PDSS1: variants seen among roughly 807,000 people sequenced by gnomAD.
PDSS1 encodes the protein decaprenyl diphosphate synthase subunit 1.
A neutral mutation model predicts 57.5 loss-of-function variants in PDSS1; 43 were observed. That is an observed-to-expected ratio of 0.75 (90% confidence interval 0.59 to 0.96). PDSS1 has a LOEUF of 0.96. Ranked by LOEUF, PDSS1 falls within the 50% of genes least tolerant of loss-of-function variation. PDSS1 has a pLI of 0.00. For synonymous variants in PDSS1, 175 were observed against 191.3 expected, an observed-to-expected ratio of 0.91 and a Z score of 0.70; for missense variants, 438 against 527.8, an observed-to-expected ratio of 0.83 and a Z score of 1.67.
chr10:26,703,113 T>C (rs1268551797), intron 2 of PDSS1, among the ~76,000 whole-genome samples: 1 of 152,146 alleles, frequency 6.6e-6, no homozygotes, highest in East Asian at 1.9e-4. Flanking sequence ...TCTCCACCTC[T>C]CTCCATGAGT....
intron 5 of PDSS1, among the ~76,000 whole-genome samples, chr10:26,714,289 C>T (rs1051119680): frequency 2.6e-5 from 4 of 152,114 alleles, no homozygotes; most frequent in African/African-American, 9.7e-5. Context: ...GCCTGGCCAA[C>T]ATGGTGAAAC....
At chr10:26,715,613 T>C in intron 5 of PDSS1, 1 of 152,296 alleles carries the variant, frequency 6.6e-6, no homozygotes, top group Non-Finnish European at 1.5e-5. Flanking sequence ...GCCAGGCTAG[T>C]CTTAAACTCC....
chr10:26,733,522 G>GCAAGCACTACATA (rs1836287273), intron 8 of PDSS1, among the ~76,000 whole-genome samples: 1 of 152,082 alleles, frequency 6.6e-6, no homozygotes, highest in Non-Finnish European at 1.5e-5. Flanking sequence ...TGTACTTATG[G>GCAAGCACTACATA]CCAAGCACTA....
At chr10:26,738,224 G>C (rs553224944) in intron 10 of PDSS1, among the ~76,000 whole-genome samples, 5 of 152,190 alleles carry the variant, frequency 3.3e-5, no homozygotes, top group Non-Finnish European at 5.9e-5. Flanking sequence ...ATGAAAATGT[G>C]TTTTTAGTTT....
intron 4 of PDSS1, 35 bp downstream of exon 4, chr10:26,705,429 A>C: frequency 1.0e-6 from 1 of 979,448 alleles, no homozygotes; most frequent in Non-Finnish European, 1.6e-6. Flanking sequence ...GTAATGTTTT[A>C]GCTTACCAAA....
At chr10:26,707,522 A>G (rs550963039) in intron 4 of PDSS1, among the ~76,000 whole-genome samples, 1 of 152,140 alleles carries the variant, frequency 6.6e-6, no homozygotes, top group Admixed American at 6.5e-5. Context: ...TTTTCTGACC[A>G]TTGGGCACTA....
chr10:26,745,507 A>G (rs971491058), intron 11 of PDSS1, among the ~76,000 whole-genome samples: 3 of 152,212 alleles, frequency 2.0e-5, no homozygotes, highest in Admixed American at 6.5e-5. Flanking sequence ...CTAAACCCTC[A>G]TCTTAACAAA....
Position 26,705,348 on chromosome 10 carries a change from A to C in PDSS1, c.290A>C (p.Lys97Thr), listed in dbSNP as rs1014116468. The C allele has an allele frequency of 6.2e-7, 1 of 1,612,686 alleles. No homozygotes were observed. Among genetic ancestry groups the C allele is most frequent in the Admixed American group, 1.7e-5 (1 of 60,028 alleles). Residue 97 changes from lysine (K) to threonine (T), a missense_variant, in exon 4 of 12, where the codon AAA becomes ACA. By Grantham distance (78) the Lys-to-Thr change is moderately conservative. This residue lies in a region of PDSS1 where 154 missense variants were observed against 137.0 expected (regional missense o/e 1.12). Transcript: ENST00000376215. Reference sequence around the variant, plus strand: ...GGTGAAAAATACACCGATCCTTTCAAACTCGGTTGGAGAGACTTGAAAGGT... The same window carrying C: ...GGTGAAAAATACACCGATCCTTTCACACTCGGTTGGAGAGACTTGAAAGGT... ...HSGEKYTDPF[K>T]LGWRDLKGLY...
In PDSS1 at chr10:26,723,836, G is replaced by A; in HGVS notation, c.640G>A (p.Ala214Thr). Residue 214 changes from alanine (A) to threonine (T), a missense_variant, in exon 7 of 12, where the codon GCA (alanine) becomes ACA (threonine). By Grantham distance (58) the Ala-to-Thr change is moderately conservative. Coordinates refer to ENST00000376215, the MANE Select transcript of PDSS1 (RefSeq NM_014317.5). ...TCTTGCTGGAGATTTAATTCTTTCT[G>A]CAGCATCTATAGCTCTGGCACGAAT... ...AVLAGDLILS[A>T]ASIALARIGN... is the part of the protein sequence containing the mutation. The A allele has an allele frequency of 6.2e-7, 1 of 1,612,668 alleles. No individual in the cohort carries two copies. Among genetic ancestry groups the A allele is most frequent in the South Asian group, 1.1e-5 (1 of 91,038 alleles).
At chr10:26,698,766 G>T (rs539399702) in intron 1 of PDSS1, among the ~76,000 whole-genome samples, 1 of 152,324 alleles carries the variant, frequency 6.6e-6, no homozygotes, top group South Asian at 2.1e-4. Context: ...TTCCCAGTAT[G>T]AAATATATAA....
At chr10:26,728,660 A>G (rs1026049724) in intron 8 of PDSS1, among the ~76,000 whole-genome samples, 1 of 151,408 alleles carries the variant, frequency 6.6e-6, no homozygotes, top group African/African-American at 2.4e-5. Flanking sequence ...GAAAGTTGGT[A>G]TCCTATTTTT....
intron 8 of PDSS1, among the ~76,000 whole-genome samples, chr10:26,731,265 C>T (rs962090483): frequency 6.6e-6 from 1 of 152,200 alleles, no homozygotes; most frequent in African/African-American, 2.4e-5. Context: ...AGCTTGAACC[C>T]GGGAGGTGGA....
intron 6 of PDSS1, among the ~76,000 whole-genome samples, chr10:26,722,503 G>A (rs1007004558): frequency 1.3e-5 from 2 of 151,984 alleles, no homozygotes; most frequent in Non-Finnish European, 2.9e-5. Context: ...CCAGGAGTTC[G>A]AGACCAGCCT....
At chr10:26,736,352 T>C (rs1836400843) in intron 10 of PDSS1, among the ~76,000 whole-genome samples, 1 of 151,036 alleles carries the variant, frequency 6.6e-6, no homozygotes, top group Non-Finnish European at 1.5e-5. Context: ...CTTAGTAGTA[T>C]TTAATTTGTT....
chr10:26,699,084 A>G (rs1289282476), intron 1 of PDSS1, among the ~76,000 whole-genome samples: 1 of 152,190 alleles, frequency 6.6e-6, no homozygotes, highest in Non-Finnish European at 1.5e-5. Context: ...GTTTATTGTG[A>G]TAGTGCCAGT....
intron 6 of PDSS1, among the ~76,000 whole-genome samples, chr10:26,722,934 T>C (rs11015249): frequency 0.44 from 65,577 of 150,420 alleles, 14,594 homozygotes; most frequent in East Asian, 0.61. Context: ...AGGGGCAGTG[T>C]CACATAGTAC....
At chr10:26,709,151 A>G (rs1333237034) in intron 4 of PDSS1, among the ~76,000 whole-genome samples, 2 of 152,122 alleles carry the variant, frequency 1.3e-5, no homozygotes, top group Admixed American at 6.5e-5. Flanking sequence ...CGCATTGTTT[A>G]TGTTCTAGCC....
intron 11 of PDSS1, among the ~76,000 whole-genome samples, chr10:26,745,758 A>C (rs1357496013): frequency 3.3e-5 from 5 of 152,108 alleles, no homozygotes; most frequent in Non-Finnish European, 7.4e-5. Flanking sequence ...GAGGCAGGAC[A>C]ATCGCTTGAG....
At chr10:26,698,748 A>G (rs1222487920) in intron 1 of PDSS1, among the ~76,000 whole-genome samples, 1 of 152,212 alleles carries the variant, frequency 6.6e-6, no homozygotes, top group Non-Finnish European at 1.5e-5. Context: ...GTTCTCATCA[A>G]ACATCATTTC....
Sources: allele counts gnomAD v4.1 joint callset (sites outside exome capture counted in the v4.1 genomes callset), GRCh38; gene constraint gnomAD v4.1.1; regional missense constraint gnomAD v4.1.1; transcripts MANE v1.5; gene names NCBI Gene and HGNC (gene_info 2026-07-23, HGNC 2026-07-21).